The following CYP39A1 variants were observed in gnomAD, a reference collection of about 807,000 sequenced individuals.
CYP39A1 encodes cytochrome P450 family 39 subfamily A member 1.
A neutral mutation model predicts 58.1 loss-of-function variants in CYP39A1; 49 were observed. The ratio of observed to expected loss-of-function variants is 0.84; its 90% confidence interval spans 0.67 to 1.07. CYP39A1 has a LOEUF of 1.07. Among genes scored for constraint, CYP39A1 ranks in the 50% least tolerant of loss-of-function variants. CYP39A1 has a pLI of 0.00. For synonymous variants in CYP39A1, 209 were observed against 187.6 expected (o/e 1.11, Z -0.93); for missense variants, 531 against 539.4 (o/e 0.98, Z 0.16).
rs1773136946 is a variant in CYP39A1 at position 46,596,100 on chromosome 6, A to G, written c.952T>C (p.Ser318Pro). Reference sequence around the variant, plus strand: ...AGGAGATTCTCCAGGTCATCCTCAGACACTTTAATCTTATCTTTGCCTGTA... The same window carrying G: ...AGGAGATTCTCCAGGTCATCCTCAGGCACTTTAATCTTATCTTTGCCTGTA... ...GKAGKDKIKVSEDDLENLLLI... is the reference protein window; with the variant it reads ...GKAGKDKIKVPEDDLENLLLI... Residue 318 changes from serine to proline, a missense_variant, in exon 8 of 12, where the codon TCT (serine) becomes CCT (proline). Coordinates refer to ENST00000275016, the MANE Select transcript of CYP39A1 (RefSeq NM_016593.5). 1 of 1,608,212 alleles carries G rather than the reference A, an allele frequency of 6.2e-7. No individual in the cohort carries two copies. The highest frequency in any genetic ancestry group is 1.7e-5 in the Admixed American group (1 of 59,126).
intron 7 of CYP39A1, among the ~76,000 whole-genome samples, chr6:46,601,952 C>G (rs992759202): frequency 5.9e-5 from 9 of 152,126 alleles, no homozygotes; most frequent in African/African-American, 2.2e-4. Flanking sequence ...CAACTAACAT[C>G]TCCCTAATCA....
At chr6:46,570,010 CTT>C (rs1771495926) in intron 10 of CYP39A1, among the ~76,000 whole-genome samples, 1 of 152,078 alleles carries the variant, frequency 6.6e-6, no homozygotes, top group South Asian at 2.1e-4. Context: ...TGATAGGAGA[CTT>C]TTAATTTGTG....
intron 10 of CYP39A1, among the ~76,000 whole-genome samples, chr6:46,573,538 G>A (rs951755055): frequency 6.6e-6 from 1 of 152,154 alleles, no homozygotes; most frequent in African/African-American, 2.4e-5. Flanking sequence ...ATGACACTGT[G>A]GGGAGTCCTA....
chr6:46,583,584 GAAACA>G, intron 10 of CYP39A1: 2 of 985,266 alleles, frequency 2.0e-6, no homozygotes, highest in Non-Finnish European at 2.4e-6. Flanking sequence ...TTGTTTTTCT[GAAACA>G]AAACAAAACA....
At chr6:46,560,499 C>T (rs1002315036) in intron 10 of CYP39A1, among the ~76,000 whole-genome samples, 1 of 152,036 alleles carries the variant, frequency 6.6e-6, no homozygotes, top group African/African-American at 2.4e-5. Context: ...CTGTTGTTTA[C>T]CTCAGAAATG....
intron 7 of CYP39A1, among the ~76,000 whole-genome samples, chr6:46,606,539 A>C (rs1197114688): frequency 6.6e-6 from 1 of 152,174 alleles, no homozygotes; most frequent in African/African-American, 2.4e-5. Context: ...GGTAATCATG[A>C]AAAGGGCTAC....
At chr6:46,648,618 T>C (rs1026874703) in intron 1 of CYP39A1, among the ~76,000 whole-genome samples, 4 of 151,700 alleles carry the variant, frequency 2.6e-5, no homozygotes, top group African/African-American at 9.7e-5. Flanking sequence ...TGTATACATA[T>C]GTAACAAACC....
intron 1 of CYP39A1, among the ~76,000 whole-genome samples, chr6:46,650,611 C>G (rs1762625810): frequency 6.7e-6 from 1 of 149,060 alleles, no homozygotes; most frequent in Non-Finnish European, 1.5e-5. Flanking sequence ...TCAAGCAATC[C>G]TCCCGCCTCA....
chr6:46,634,582 C>T (rs551601437), intron 5 of CYP39A1, among the ~76,000 whole-genome samples: 5 of 140,478 alleles, frequency 3.6e-5, no homozygotes, highest in South Asian at 4.5e-4. Flanking sequence ...AGTGCAGTGG[C>T]GCAATCTCGG....
Position 46,652,741 on chromosome 6 carries a change from G to T in CYP39A1, c.-159C>A. The T allele has an allele frequency of 1.6e-6, 1 of 611,794 alleles. No individual in the cohort carries two copies. 37.9% of individuals were successfully genotyped at this position (611,794 alleles called of 1,614,324 possible). On this transcript the variant is annotated 5_prime_UTR_variant, in exon 1 of 12. It adds an upstream start codon to the 5' untranslated region. Coordinates refer to ENST00000275016, the MANE Select transcript of CYP39A1 (RefSeq NM_016593.5). Reference sequence around the variant, plus strand: ...ACTGTAGCTTCCTTCCTCTGTCCCAGTTTTCAGGTGATTTTTCCATTGTCG... The same window carrying T: ...ACTGTAGCTTCCTTCCTCTGTCCCATTTTTCAGGTGATTTTTCCATTGTCG...
At chr6:46,563,115 CAA>C (rs59793245) in intron 10 of CYP39A1, among the ~76,000 whole-genome samples, 41 of 124,504 alleles carry the variant, frequency 3.3e-4, no homozygotes, top group Admixed American at 3.9e-4. Context: ...TTTACAGTGG[CAA>C]AAAAAAAAAA....
At chr6:46,635,123 T>C (rs1375764587) in intron 5 of CYP39A1, among the ~76,000 whole-genome samples, 1 of 152,376 alleles carries the variant, frequency 6.6e-6, no homozygotes, top group East Asian at 1.9e-4. Flanking sequence ...TAAGCAAAGC[T>C]GTTTGTGATA....
At position 46,583,578 on chromosome 6, in the gene CYP39A1, T is replaced by C. The variant is rs1043970077; in HGVS notation, c.1250+3499A>G. 75 of 985,242 alleles carry C rather than the reference T, an allele frequency of 7.6e-5. No homozygotes were observed. In the Admixed American group the frequency reaches 1.1e-3, roughly 15 times the overall value. 61.0% of individuals were successfully genotyped at this position (985,242 alleles called of 1,614,324 possible). ...GTTCATGCTGCTCTTTCCTGTTTGT[T>C]TTTCTGAAACAAAACAAAACAGAAA... On this transcript the variant is annotated intron_variant, in intron 10 of 11. Transcript: ENST00000275016.
chr6:46,635,566 T>G (rs1197324423), intron 5 of CYP39A1, among the ~76,000 whole-genome samples: 1 of 152,070 alleles, frequency 6.6e-6, no homozygotes, highest in Non-Finnish European at 1.5e-5. Flanking sequence ...GTTTGTTTGT[T>G]TTTGAGACAG....
At chr6:46,602,481 G>A (rs1773570026) in intron 7 of CYP39A1, among the ~76,000 whole-genome samples, 1 of 151,982 alleles carries the variant, frequency 6.6e-6, no homozygotes, top group Non-Finnish European at 1.5e-5. Flanking sequence ...ATTTCCAGGT[G>A]ATACTGATGC....
At chr6:46,647,675 C>A (rs559530106) in intron 1 of CYP39A1, among the ~76,000 whole-genome samples, 1 of 152,134 alleles carries the variant, frequency 6.6e-6, no homozygotes, top group Non-Finnish European at 1.5e-5. Flanking sequence ...TGCAAAATAT[C>A]GAACTTCAGC....
At chr6:46,565,520 T>C (rs1771229115) in intron 10 of CYP39A1, among the ~76,000 whole-genome samples, 2 of 145,530 alleles carry the variant, frequency 1.4e-5, no homozygotes, top group Admixed American at 6.9e-5. Context: ...ATAAATAAAA[T>C]AAAAAAAGGA....
chr6:46,550,131 A>G lies in CYP39A1; in HGVS notation c.*235T>C. ...AAAAAATGTGGAGTTTTTTTGGATCATTTGATCATTTCCTATAAACCATGT... is the reference window on the plus strand; with the variant it reads ...AAAAAATGTGGAGTTTTTTTGGATCGTTTGATCATTTCCTATAAACCATGT... On this transcript the variant is annotated 3_prime_UTR_variant, in exon 12 of 12. Coordinates refer to ENST00000275016, the MANE Select transcript of CYP39A1 (RefSeq NM_016593.5). The G allele has an allele frequency of 2.8e-6, 1 of 359,758 alleles. No individual in the cohort carries two copies. Among genetic ancestry groups the G allele is most frequent in the Admixed American group, 4.6e-5 (1 of 21,536 alleles). The allele number at this position is 359,758 out of a possible 1,614,324, so 22.3% of individuals were successfully genotyped here.
chr6:46,636,544 A>T, intron 4 of CYP39A1, 62 bp from the exon 5 acceptor site: 3 of 971,500 alleles, frequency 3.1e-6, no homozygotes, highest in Non-Finnish European at 4.7e-6. Context: ...AACAGGTCAC[A>T]GCATAAAAAA....
Sources: gnomAD v4.1 joint callset for allele counts (sites outside exome capture counted in the v4.1 genomes callset) on GRCh38, gnomAD v4.1.1 for gene constraint, MANE v1.5 for transcripts, NCBI Gene and HGNC (gene_info 2026-07-23, HGNC 2026-07-21) for gene names.